HMGCS1: variants seen among roughly 807,000 people sequenced by gnomAD.
HMGCS1 encodes the protein 3-hydroxy-3-methylglutaryl-CoA synthase 1.
Under a neutral mutation model 52.3 loss-of-function variants are expected in HMGCS1, and 9 were observed. The observed-to-expected ratio is 0.17, with a 90% CI of 0.10 to 0.30. The LOEUF (loss-of-function observed/expected upper bound fraction) is 0.30. HMGCS1 is among the 10% of genes least tolerant of loss of function. The pLI is 1.00. For missense variants in HMGCS1, 320 were observed against 620.9 expected (o/e 0.52, Z 5.15); for synonymous variants, 176 against 214.4 (o/e 0.82, Z 1.57).
At chr5:43,308,327 G>T (rs1209431366) in intron 1 of HMGCS1, among the ~76,000 whole-genome samples, 1 of 152,188 alleles carries the variant, frequency 6.6e-6, no homozygotes, top group African/African-American at 2.4e-5. Flanking sequence ...GCCCTCCCCA[G>T]ATCATTGTGA....
rs968424099 is a variant in HMGCS1, at chr5:43,292,644, G to A, written c.1310-7C>T. The A allele has an allele frequency of 6.2e-7, 1 of 1,604,528 alleles. No homozygotes were observed. Among genetic ancestry groups the A allele is most frequent in the Non-Finnish European group, 8.5e-7 (1 of 1,171,798 alleles). ...CCCTGGGGAATATAGTTGACTAAAG[G>A]AAAGGGAGAGAATATCTACAATTAG... On this transcript the variant is annotated splice_region_variant and splice_polypyrimidine_tract_variant and intron_variant, in intron 9 of 10. Coordinates refer to ENST00000325110, the MANE Select transcript of HMGCS1 (RefSeq NM_001098272.3).
chr5:43,291,987 CTTTTTTTTTTTTTT>C (rs537398917), intron 10 of HMGCS1, among the ~76,000 whole-genome samples: 3 of 83,114 alleles, frequency 3.6e-5, no homozygotes, highest in South Asian at 4.4e-4. Context: ...ACTGTATATT[CTTTTTTTTTTTTTT>C]TTTTTTTTTT....
chr5:43,307,314 C>T (rs1347347532), intron 2 of HMGCS1, among the ~76,000 whole-genome samples: 1 of 152,044 alleles, frequency 6.6e-6, no homozygotes, highest in Non-Finnish European at 1.5e-5. Flanking sequence ...CTCAGGTGAT[C>T]CACCCGCCAC....
At chr5:43,294,652 A>G (rs376046814) in intron 7 of HMGCS1, 39 bp downstream of exon 7, 1 of 1,465,324 alleles carries the variant, frequency 6.8e-7, no homozygotes, top group Non-Finnish European at 9.3e-7. Context: ...ACATCTCCCA[A>G]ATAAGGGGAG....
intron 2 of HMGCS1, among the ~76,000 whole-genome samples, chr5:43,301,145 G>A (rs1754297182): frequency 6.6e-6 from 1 of 152,208 alleles, no homozygotes; most frequent in East Asian, 1.9e-4. Flanking sequence ...GGAGTAAGCA[G>A]TAAAGCACTG....
At chr5:43,310,713 G>A (rs1548097) in intron 1 of HMGCS1, among the ~76,000 whole-genome samples, 1 of 151,888 alleles carries the variant, frequency 6.6e-6, no homozygotes, top group Non-Finnish European at 1.5e-5. Context: ...CCTGCTATCA[G>A]TTTTGAGATG....
chr5:43,306,839 G>C (rs1263216211), intron 2 of HMGCS1, among the ~76,000 whole-genome samples: 1 of 152,006 alleles, frequency 6.6e-6, no homozygotes, highest in Non-Finnish European at 1.5e-5. Context: ...TTGTGTCCCC[G>C]GTACCCAACC....
At position 43,294,683 on chromosome 5, in the gene HMGCS1, A is replaced by T; in HGVS notation, c.1076+8T>A. ...GGGAGTTAAGTAGTAGGTGAAATTT[A>T]TACTTACTGTGCTAGAACAGATGCA... On this transcript the variant is annotated splice_region_variant and intron_variant, in intron 7 of 10. Transcript: ENST00000325110. The T allele has an allele frequency of 6.4e-7, 1 of 1,568,298 alleles. No individual in the cohort carries two copies. Among genetic ancestry groups the T allele is most frequent in the Non-Finnish European group, 8.7e-7 (1 of 1,154,706 alleles).
At chr5:43,294,477 C>T (rs1176768843) in intron 7 of HMGCS1, 74 of 491,042 alleles carry the variant, frequency 1.5e-4, no homozygotes, top group Non-Finnish European at 7.1e-6. Context: ...AAAACAGAAG[C>T]CAGGAAAGCC....
intron 2 of HMGCS1, among the ~76,000 whole-genome samples, chr5:43,303,829 C>T (rs1320432624): frequency 6.6e-6 from 1 of 152,196 alleles, no homozygotes; most frequent in Admixed American, 6.5e-5. Context: ...AAGGGAGGCT[C>T]ATTCTTGTTA....
At chr5:43,293,960 C>G in intron 8 of HMGCS1, 96 bp downstream of exon 8, 2 of 764,816 alleles carry the variant, frequency 2.6e-6, no homozygotes, top group Non-Finnish European at 4.6e-6. Context: ...GGTGATCTGC[C>G]CGCCTCGGCC....
chr5:43,297,922 T>A, intron 4 of HMGCS1, 87 bp downstream of exon 4: 1 of 1,156,478 alleles, frequency 8.6e-7, no homozygotes. Context: ...TTAATGACCA[T>A]TAAGTAAGCG....
chr5:43,295,403 G>A (rs1753982028), intron 6 of HMGCS1, among the ~76,000 whole-genome samples: 1 of 152,196 alleles, frequency 6.6e-6, no homozygotes, highest in Admixed American at 6.5e-5. Flanking sequence ...AGCTGTGGCA[G>A]TGTGCAGGAT....
intron 2 of HMGCS1, among the ~76,000 whole-genome samples, chr5:43,304,486 T>C (rs1029740361): frequency 6.6e-6 from 1 of 152,270 alleles, no homozygotes; most frequent in Non-Finnish European, 1.5e-5. Flanking sequence ...TATTTAATTA[T>C]CCTTATAATG....
At chr5:43,294,628 G>T in intron 7 of HMGCS1, 63 bp downstream of exon 7, 3 of 1,262,130 alleles carry the variant, frequency 2.4e-6, no homozygotes, top group Admixed American at 4.6e-5. Context: ...ACTAGATTTG[G>T]TCTTAGAAAT....
At chr5:43,292,078 T>G (rs1429885701) in intron 10 of HMGCS1, among the ~76,000 whole-genome samples, 2 of 145,806 alleles carry the variant, frequency 1.4e-5, no homozygotes, top group African/African-American at 5.1e-5. Flanking sequence ...CTGCAACCTC[T>G]GACTCCCTGG....
Position 43,298,128 on chromosome 5 carries a change from T to C in HMGCS1, c.455A>G (p.Tyr152Cys), listed in dbSNP as rs761483189. Residue 152 changes from tyrosine (Y) to cysteine (C), a missense_variant, in exon 4 of 11, where the codon TAT becomes TGT. This residue lies in a region of HMGCS1 where 85 missense variants were observed against 260.0 expected (regional missense o/e 0.33). Transcript: ENST00000325110. The surrounding 1 kb of genome is among the most constrained non-coding windows in gnomAD (Gnocchi z 5.6). ...WIESSSWDGR[Y>C]ALVVAGDIAV... ...AATATCTCCTGCAACTACCAGGGCA[T>C]ACCGTCCTGAAAAATATTTTTTGTT... The C allele has an allele frequency of 6.9e-6, 11 of 1,605,704 alleles. No individual in the cohort carries two copies. The highest frequency in any genetic ancestry group is 6.7e-5 in the African/African-American group (5 of 74,448).
At position 43,288,350 on chromosome 5, in the gene HMGCS1, TAAAG is replaced by T. The variant is rs1753586576; in HGVS notation, c.*2777_*2780del. 4 of 152,190 alleles carry T rather than the reference TAAAG, an allele frequency of 2.6e-5. No homozygotes were observed. In the South Asian group the frequency reaches 6.2e-4, roughly 24 times the overall value. 9.4% of individuals were successfully genotyped at this position (152,190 alleles called of 1,614,324 possible). A position where few individuals can be genotyped will look rare whatever the true frequency, so the allele number is the denominator to read the frequency against. The stretch of plus-strand genomic sequence containing the variant: ...ACTTAAGAGCAGTTGCTAGAAATTT[TAAAG>T]AAAGGGTTCACTTTTATGTCAAGAT... On this transcript the variant is annotated 3_prime_UTR_variant, in exon 11 of 11. Transcript: ENST00000325110.
Position 43,298,281 on chromosome 5 carries a change from T to A in HMGCS1, c.449-147A>T, listed in dbSNP as rs143619329. 7.8e-6 allele frequency: 6 copies of A among 765,492 alleles called. No homozygotes were observed. In the African/African-American group the frequency reaches 8.8e-5, roughly 11 times the overall value. 47.4% of individuals were successfully genotyped at this position (765,492 alleles called of 1,614,324 possible). On this transcript the variant is annotated intron_variant, in intron 3 of 10. Transcript: ENST00000325110. This position sits in a 1 kb window ranked among gnomAD's most constrained non-coding sequence, Gnocchi z 5.6. ...TGCTCTAATTTTTTTTTAAAATTCA[T>A]CTGCCAAGGCTCTGTCATCCATCTG... is the stretch of plus-strand genomic sequence containing the variant.
Sources: allele counts gnomAD v4.1 joint callset (sites outside exome capture counted in the v4.1 genomes callset), GRCh38; gene constraint gnomAD v4.1.1; regional missense constraint gnomAD v4.1.1; non-coding constraint Gnocchi (gnomAD v3.1); transcripts MANE v1.5; gene names NCBI Gene and HGNC (gene_info 2026-07-23, HGNC 2026-07-21).